Variants in SERPINB10 observed in about 807,000 individuals in gnomAD.
SERPINB10 encodes the protein serpin B10.
Under a neutral mutation model 39.1 loss-of-function variants are expected in SERPINB10, and 35 were observed. That is an observed-to-expected ratio of 0.90 (90% CI 0.68 to 1.19). The LOEUF (loss-of-function observed/expected upper bound fraction) is 1.19. Ranked by LOEUF, SERPINB10 falls within the 50% of genes most tolerant of loss-of-function variation. The pLI, the probability that SERPINB10 is intolerant of heterozygous loss-of-function variation, is 0.00. For synonymous variants in SERPINB10, 190 were observed against 158.1 expected (o/e 1.20, Z -1.52); for missense variants, 546 against 460.5 (o/e 1.19, Z -1.70).
At chr18:63,919,539 C>T (rs1487445104) in intron 4 of SERPINB10, among the ~76,000 whole-genome samples, 1 of 151,816 alleles carries the variant, frequency 6.6e-6, no homozygotes, top group Non-Finnish European at 1.5e-5. Context: ...TGTGGAAGCC[C>T]CAAAAATGTG....
intron 5 of SERPINB10, among the ~76,000 whole-genome samples, chr18:63,929,741 A>T (rs1405767323): frequency 7.1e-6 from 1 of 141,622 alleles, no homozygotes; most frequent in Non-Finnish European, 1.6e-5. Flanking sequence ...AAAGAAAAAA[A>T]AAAAGAAATA....
At chr18:63,915,967 TTGA>T (rs1277160573) in intron 2 of SERPINB10, among the ~76,000 whole-genome samples, 1 of 152,054 alleles carries the variant, frequency 6.6e-6, no homozygotes, top group African/African-American at 2.4e-5. Flanking sequence ...CAATTTTATT[TTGA>T]TGATATTATT....
At chr18:63,929,730 AAAAG>A (rs2050207099) in intron 5 of SERPINB10, among the ~76,000 whole-genome samples, 1 of 88,208 alleles carries the variant, frequency 1.1e-5, no homozygotes, top group African/African-American at 3.8e-5. Context: ...AAAAAAAAAA[AAAAG>A]AAAAAAAAAA....
intron 2 of SERPINB10, 138 bp downstream of exon 2, chr18:63,915,816 C>G: frequency 1.4e-6 from 1 of 714,108 alleles, no homozygotes; most frequent in Non-Finnish European, 2.1e-6. Context: ...TACATTAAAA[C>G]ATTCTATACC....
At position 63,917,449 on chromosome 18, in the gene SERPINB10, A is replaced by G. The variant is rs759278720; in HGVS notation, c.169-7A>G. On this transcript the variant is annotated splice_polypyrimidine_tract_variant and splice_region_variant and intron_variant, in intron 2 of 7. Transcript: ENST00000238508. ...TCTATTCATTTGTATTTTTATTGAA[A>G]TTACAGGTGCTTCAATTTAACAGAG... 3 of 1,547,766 alleles carry G rather than the reference A, an allele frequency of 1.9e-6. No homozygotes were observed. The highest frequency in any genetic ancestry group is 2.0e-5 in the Admixed American group (1 of 50,120).
Position 63,911,256 on chromosome 18 carries a change from T to C in SERPINB10, c.-10+3216T>C, listed in dbSNP as rs191575874. Reference sequence around the variant, plus strand: ...TTGTCTGTTTACTCTGTTGATAGTTTCTTTTGCTGTGCAGAAGCTCTTCAG... The same window carrying C: ...TTGTCTGTTTACTCTGTTGATAGTTCCTTTTGCTGTGCAGAAGCTCTTCAG... On this transcript the variant is annotated intron_variant, in intron 1 of 7. Transcript: ENST00000238508. 2.5e-3 allele frequency among the ~76,000 whole-genome samples: 375 copies of C among 152,242 alleles called. 6 individuals are homozygous for C. The highest frequency in any genetic ancestry group is 1.0e-3 in the Non-Finnish European group (69 of 67,990).
intron 4 of SERPINB10, among the ~76,000 whole-genome samples, chr18:63,919,455 C>T (rs1003959585): frequency 3.3e-5 from 5 of 151,868 alleles, no homozygotes; most frequent in African/African-American, 1.2e-4. Flanking sequence ...CCACTGGGGT[C>T]ACTCTTGTTA....
In SERPINB10 at chr18:63,935,890, T is replaced by C. The variant is rs1362845007; in HGVS notation, c.*648T>C. ...TCTGCTATTTAAAAAATACTTATAT[T>C]GACATTAGCTTAAAAAACTAGTGAA... is the stretch of plus-strand genomic sequence containing the variant. On this transcript the variant is annotated 3_prime_UTR_variant, in exon 8 of 8. Transcript: ENST00000238508. The C allele has an allele frequency of 2.6e-5, 4 of 152,202 alleles. No individual in the cohort carries two copies. The allele number at this position is 152,202 out of a possible 1,614,324, so 9.4% of individuals were successfully genotyped here.
rs748390352 is a variant in SERPINB10, at chr18:63,935,130, T to C, written c.1082T>C (p.Ile361Thr). 8 of 1,613,768 alleles carry C rather than the reference T, an allele frequency of 5.0e-6. No individual in the cohort carries two copies. The highest frequency in any genetic ancestry group is 1.7e-5 in the Admixed American group (1 of 60,034). ...AAAGSGSEID[I>T]RIRVPSIEFN... ...GCTGGCAGTGGGAGTGAGATAGATA[T>C]ACGAATTAGAGTCCCATCCATTGAA... Residue 361 changes from isoleucine to threonine, a missense_variant, in exon 8 of 8, where the codon ATA becomes ACA. By Grantham distance (89) the Ile-to-Thr change is moderately conservative. Transcript: ENST00000238508.
chr18:63,924,968 T>A (rs1286625142), intron 5 of SERPINB10, among the ~76,000 whole-genome samples: 1 of 151,980 alleles, frequency 6.6e-6, no homozygotes, highest in Non-Finnish European at 1.5e-5. Context: ...ACTATATATT[T>A]TAAGGCTGAA....
chr18:63,914,441 G>T (rs888248469), intron 1 of SERPINB10, among the ~76,000 whole-genome samples: 1 of 152,042 alleles, frequency 6.6e-6, no homozygotes, highest in Non-Finnish European at 1.5e-5. Context: ...TGTAAGGCTG[G>T]TCTAGCAGTA....
chr18:63,927,880 C>G (rs2050191916), intron 5 of SERPINB10, among the ~76,000 whole-genome samples: 1 of 151,906 alleles, frequency 6.6e-6, no homozygotes. Context: ...CATTTTTATA[C>G]TAGGTATATG....
chr18:63,935,238 C>T lies in SERPINB10; in HGVS notation c.1190C>T (p.Pro397Leu). 1 of 1,573,928 alleles carries T rather than the reference C, an allele frequency of 6.4e-7. No individual in the cohort carries two copies. Among genetic ancestry groups the T allele is most frequent in the Non-Finnish European group, 8.6e-7 (1 of 1,162,282 alleles). The change falls in exon 8 of 8, where the codon CCC becomes CTC. Residue 397 changes from proline (P) to leucine (L), a missense_variant. By Grantham distance (98) the Pro-to-Leu change is moderately conservative. Transcript: ENST00000238508. ...CTTTTTTATGGAAGATTATGCTCCC[C>T]CTAAATCCTGCATATCTCTCAACAA... ...TILFYGRLCS[P>L]
intron 1 of SERPINB10, among the ~76,000 whole-genome samples, chr18:63,911,891 A>T (rs1456726259): frequency 6.6e-6 from 1 of 151,654 alleles, no homozygotes; most frequent in Non-Finnish European, 1.5e-5. Flanking sequence ...AACAATACTG[A>T]TGTTTCCTGT....
chr18:63,909,172 G>T (rs1324294203), intron 1 of SERPINB10, among the ~76,000 whole-genome samples: 1 of 151,910 alleles, frequency 6.6e-6, no homozygotes, highest in African/African-American at 2.4e-5. Flanking sequence ...ATTCTCTTTG[G>T]CTTCTCCTCT....
In SERPINB10 at chr18:63,936,085, T is replaced by A. The variant is rs2050261400; in HGVS notation, c.*843T>A. ...ACCTCTTCTGCCAATCTAAAATTAT[T>A]CCAAAATAAAAGTTTTATTAAAAAT... On this transcript the variant is annotated 3_prime_UTR_variant, in exon 8 of 8. Coordinates refer to ENST00000238508, the MANE Select transcript of SERPINB10 (RefSeq NM_005024.3). 1 of 152,184 alleles carries A rather than the reference T, an allele frequency of 6.6e-6. No individual in the cohort carries two copies. The highest frequency in any genetic ancestry group is 1.5e-5 in the Non-Finnish European group (1 of 68,040). The allele number at this position is 152,184 out of a possible 1,614,324, so 9.4% of individuals were successfully genotyped here. A position where few individuals can be genotyped will look rare whatever the true frequency, so the allele number is the denominator to read the frequency against.
rs2050118238 is a variant in SERPINB10, at chr18:63,918,110, C to T, written c.372+8C>T. 3 of 1,611,326 alleles carry T rather than the reference C, an allele frequency of 1.9e-6. No individual in the cohort carries two copies. In the Admixed American group the frequency reaches 5.0e-5, roughly 27 times the overall value. The stretch of plus-strand genomic sequence containing the variant: ...ACGTATGCATTTCACAATGTAAGTG[C>T]AAATGTCTTATTTTAAGCTAATGGA... On this transcript the variant is annotated splice_region_variant and intron_variant, in intron 4 of 7. Coordinates refer to ENST00000238508, the MANE Select transcript of SERPINB10 (RefSeq NM_005024.3).
chr18:63,915,686 G>C lies in SERPINB10; in HGVS notation c.168+8G>C, dbSNP rs2050097305. Reference sequence around the variant, plus strand: ...GCAGCCCAAATGGCCCAGGTGAGTGGAAAAGGTCAACTATCTTCTGTTTCT... The same window carrying C: ...GCAGCCCAAATGGCCCAGGTGAGTGCAAAAGGTCAACTATCTTCTGTTTCT... On this transcript the variant is annotated splice_region_variant and intron_variant, in intron 2 of 7. Coordinates refer to ENST00000238508, the MANE Select transcript of SERPINB10 (RefSeq NM_005024.3). 4 of 1,594,562 alleles carry C rather than the reference G, an allele frequency of 2.5e-6. No individual in the cohort carries two copies. In the East Asian group the frequency reaches 6.7e-5, roughly 27 times the overall value.
chr18:63,926,751 A>T (rs1316178478), intron 5 of SERPINB10, among the ~76,000 whole-genome samples: 1 of 152,056 alleles, frequency 6.6e-6, no homozygotes, highest in Non-Finnish European at 1.5e-5. Context: ...AACCCAGAAA[A>T]AAAGGACTTT....
Sources: gnomAD v4.1 joint callset for allele counts (sites outside exome capture counted in the v4.1 genomes callset) on GRCh38, gnomAD v4.1.1 for gene constraint, MANE v1.5 for transcripts, NCBI Gene and HGNC (gene_info 2026-07-23, HGNC 2026-07-21) for gene names.